Variants in SUGT1 observed in about 807,000 individuals in gnomAD.
The protein encoded by SUGT1 is SGT1 assembly cochaperone of MIS12 kinetochore complex.
Under a neutral mutation model 56.1 loss-of-function variants are expected in SUGT1, and 15 were observed. The ratio of observed to expected loss-of-function variants is 0.27; its 90% CI spans 0.18 to 0.41. SUGT1 has a LOEUF of 0.41. SUGT1 is among the 10% of genes least tolerant of loss of function. The pLI is 1.00. For missense variants in SUGT1, 347 were observed against 382.2 expected, an observed-to-expected ratio of 0.91 and a Z score of 0.77; for synonymous variants, 123 against 128.6, an observed-to-expected ratio of 0.96 and a Z score of 0.30.
In SUGT1 at chr13:52,690,498, C is replaced by G. The variant is rs1434266337; in HGVS notation, c.*2663C>G. The stretch of plus-strand genomic sequence containing the variant: ...TTTCCTTTCCCTTTTAAGGTTAGTC[C>G]TGGAATACATGTTTTTCTTGGTCTT... On this transcript the variant is annotated 3_prime_UTR_variant, in exon 13 of 13. Coordinates refer to ENST00000310528, the MANE Select transcript of SUGT1 (RefSeq NM_006704.5). 1 of 152,092 alleles carries G rather than the reference C, an allele frequency of 6.6e-6. No individual in the cohort carries two copies. The highest frequency in any genetic ancestry group is 1.5e-5 in the Non-Finnish European group (1 of 68,020). 9.4% of individuals were successfully genotyped at this position (152,092 alleles called of 1,614,324 possible). A position where few individuals can be genotyped will look rare whatever the true frequency, so the allele number is the denominator to read the frequency against.
intron 12 of SUGT1, among the ~76,000 whole-genome samples, chr13:52,680,754 T>C (rs1361714915): frequency 2.0e-5 from 3 of 152,238 alleles, no homozygotes. Context: ...TTAAAATTAG[T>C]ATTTTAATTT....
chr13:52,666,240 C>T (rs1458745226), intron 9 of SUGT1, among the ~76,000 whole-genome samples: 4 of 152,098 alleles, frequency 2.6e-5, no homozygotes, highest in African/African-American at 4.8e-5. Context: ...CACATGCCAC[C>T]GTGCCTGGCT....
chr13:52,677,705 GTTAA>G (rs1963204482), intron 11 of SUGT1, among the ~76,000 whole-genome samples: 1 of 642 alleles, frequency 1.6e-3, no homozygotes, highest in African/African-American at 3.7e-3. Flanking sequence ...CAGTTATTCT[GTTAA>G]CCCGTTGTCT....
intron 12 of SUGT1, among the ~76,000 whole-genome samples, chr13:52,680,734 C>T (rs918020138): frequency 6.6e-6 from 1 of 152,054 alleles, no homozygotes; most frequent in Non-Finnish European, 1.5e-5. Context: ...GACATATTTA[C>T]AGTAGAAAGT....
chr13:52,683,681 T>G (rs1963461751), intron 12 of SUGT1, among the ~76,000 whole-genome samples: 1 of 152,212 alleles, frequency 6.6e-6, no homozygotes, highest in Non-Finnish European at 1.5e-5. Flanking sequence ...CTTAAGTATT[T>G]GGTAGAACTC....
At chr13:52,658,341 G>T (rs1221753074) in intron 3 of SUGT1, 58 bp from the exon 4 acceptor site, 2 of 1,597,770 alleles carry the variant, frequency 1.3e-6, no homozygotes, top group African/African-American at 1.3e-5. Context: ...TTCATATGTT[G>T]TGTGTATTTG....
At chr13:52,679,906 A>C in intron 11 of SUGT1, 68 bp from the exon 12 acceptor site, 1 of 1,463,536 alleles carries the variant, frequency 6.8e-7, no homozygotes, top group South Asian at 1.4e-5. Context: ...CATGGTCACA[A>C]AGTTTACATA....
intron 4 of SUGT1, 73 bp downstream of exon 4, chr13:52,658,541 G>T: frequency 7.2e-7 from 1 of 1,394,968 alleles, no homozygotes; most frequent in East Asian, 2.3e-5. Context: ...TGAGTTCATT[G>T]CAAGCTTTAT....
intron 10 of SUGT1, 75 bp from the exon 11 acceptor site, chr13:52,676,155 C>T (rs565170838): frequency 8.2e-7 from 1 of 1,224,682 alleles, no homozygotes; most frequent in Admixed American, 2.5e-5. Context: ...ACTTTGATGA[C>T]TTAAGAAAAC....
In SUGT1 at chr13:52,695,571, C is replaced by T. The variant is rs1390058925; in HGVS notation, c.*7736C>T. 1.3e-5 allele frequency: 2 copies of T among 152,072 alleles called. No homozygotes were observed. Among genetic ancestry groups the T allele is most frequent in the Non-Finnish European group, 2.9e-5 (2 of 68,002 alleles). 9.4% of individuals were successfully genotyped at this position (152,072 alleles called of 1,614,324 possible). ...ATGTAAAGTCCTTGATTTATTTTTT[C>T]CCCTCAGTCCTGTTTAGTGTTGAAA... On this transcript the variant is annotated 3_prime_UTR_variant, in exon 13 of 13. Coordinates refer to ENST00000310528, the MANE Select transcript of SUGT1 (RefSeq NM_006704.5).
rs1321828696 is a variant in SUGT1 at position 52,674,108 on chromosome 13, G to A, written c.628-2122G>A. The stretch of plus-strand genomic sequence containing the variant: ...CTCGCTCTGTTGCCCAGGCTGAAGT[G>A]CAGTGGCACGATCTTGGCTCACTGC... On this transcript the variant is annotated intron_variant, in intron 10 of 12. Coordinates refer to ENST00000310528, the MANE Select transcript of SUGT1 (RefSeq NM_006704.5). Among the ~76,000 whole-genome samples the A allele has an allele frequency of 3.2e-5, 4 of 126,094 alleles. No homozygotes were observed. The Admixed American group carries it at 4.0e-4, about 12-fold the overall frequency. The allele number at this position is 126,094 out of a possible 152,430, so 82.7% of individuals were successfully genotyped here.
chr13:52,686,749 A>T (rs1317860228), intron 12 of SUGT1, among the ~76,000 whole-genome samples: 3 of 152,182 alleles, frequency 2.0e-5, no homozygotes, highest in African/African-American at 7.2e-5. Flanking sequence ...GTTCAAATCC[A>T]TTGATTTTTA....
At chr13:52,662,483 A>G (rs1962500413) in intron 5 of SUGT1, among the ~76,000 whole-genome samples, 166 bp from the exon 6 acceptor site, 1 of 152,252 alleles carries the variant, frequency 6.6e-6, no homozygotes, top group Non-Finnish European at 1.5e-5. Flanking sequence ...TGGTATATTT[A>G]TAACTATAGT....
Position 52,698,942 on chromosome 13 carries a change from A to G in SUGT1, c.*11107A>G, listed in dbSNP as rs1964010640. On this transcript the variant is annotated 3_prime_UTR_variant, in exon 13 of 13. Coordinates refer to ENST00000310528, the MANE Select transcript of SUGT1 (RefSeq NM_006704.5). ...AGTACCTTTGAGAGAGGGTCCAGTA[A>G]ATCTTTGTTTTGAATGAACTGATGG... The G allele has an allele frequency of 6.6e-6, 1 of 152,128 alleles. No individual in the cohort carries two copies. The highest frequency in any genetic ancestry group is 1.5e-5 in the Non-Finnish European group (1 of 68,030). The allele number at this position is 152,128 out of a possible 1,614,324, so 9.4% of individuals were successfully genotyped here. A position where few individuals can be genotyped will look rare whatever the true frequency, so the allele number is the denominator to read the frequency against.
intron 12 of SUGT1, chr13:52,687,504 G>A (rs1404534866): frequency 3.8e-6 from 1 of 259,768 alleles, no homozygotes; most frequent in Non-Finnish European, 7.2e-6. Flanking sequence ...AGATTTTATG[G>A]AACTTGTTAA....
rs890078854 is a variant in SUGT1 at position 52,698,077 on chromosome 13, C to T, written c.*10242C>T. 1 of 152,144 alleles carries T rather than the reference C, an allele frequency of 6.6e-6. No individual in the cohort carries two copies. Among genetic ancestry groups the T allele is most frequent in the African/African-American group, 2.4e-5 (1 of 41,428 alleles). 9.4% of individuals were successfully genotyped at this position (152,144 alleles called of 1,614,324 possible). On this transcript the variant is annotated 3_prime_UTR_variant, in exon 13 of 13. Transcript: ENST00000310528. ...TACCAAGGCAAGATTGGAGAATGAC[C>T]GGTTGTGAACAGGGACTTAGGAATA...
rs565441655 is a variant in SUGT1, at chr13:52,676,864, G to T, written c.718+544G>T. Among the ~76,000 whole-genome samples the T allele has an allele frequency of 5.3e-5, 8 of 152,276 alleles. No individual in the cohort carries two copies. In the South Asian group the frequency reaches 1.7e-3, roughly 32 times the overall value. ...GAAGAGTAGAAAACCAGGCTTCATTGTATATATAACCCTGTAAGAAACAGA... is the reference window on the plus strand; with the variant it reads ...GAAGAGTAGAAAACCAGGCTTCATTTTATATATAACCCTGTAAGAAACAGA... On this transcript the variant is annotated intron_variant, in intron 11 of 12. Transcript: ENST00000310528.
intron 10 of SUGT1, among the ~76,000 whole-genome samples, chr13:52,669,582 C>A (rs1962848585): frequency 6.6e-6 from 1 of 152,164 alleles, no homozygotes; most frequent in Non-Finnish European, 1.5e-5. Flanking sequence ...TGATTGCCAA[C>A]CAAACTAGTG....
At chr13:52,687,651 TC>T in intron 12 of SUGT1, 82 bp from the exon 13 acceptor site, 4 of 1,037,602 alleles carry the variant, frequency 3.9e-6, no homozygotes, top group Non-Finnish European at 5.4e-6. Flanking sequence ...TATTTGGGGC[TC>T]TATGCTTGGA....
Sources: allele counts gnomAD v4.1 joint callset (sites outside exome capture counted in the v4.1 genomes callset), GRCh38; gene constraint gnomAD v4.1.1; transcripts MANE v1.5; gene names NCBI Gene and HGNC (gene_info 2026-07-23, HGNC 2026-07-21).